Variants in LRRC9 observed in about 807,000 individuals in gnomAD.
The protein encoded by LRRC9 is leucine rich repeat containing 9.
In LRRC9, 122 loss-of-function variants were observed where a neutral mutation model predicts 63.2. The observed-to-expected ratio is 1.93, with a 90% CI of 1.67 to 2.24. LRRC9 has a LOEUF of 2.24. Among genes scored for constraint, LRRC9 ranks in the 30% most tolerant of loss-of-function variants. The probability of loss-of-function intolerance (pLI) is 0.00; values close to 1 mark genes in which losing one functional copy is unlikely to be tolerated. For synonymous variants in LRRC9, 366 were observed against 213.1 expected (o/e 1.72, Z -6.25); for missense variants, 1,071 against 627.7 (o/e 1.71, Z -7.55).
At chr14:59,945,807 T>C (rs1280425879) in intron 8 of LRRC9, among the ~76,000 whole-genome samples, 2 of 151,268 alleles carry the variant, frequency 1.3e-5, no homozygotes, top group Non-Finnish European at 3.0e-5. Flanking sequence ...TTTACAAGAG[T>C]AGAAATAAAA....
At chr14:59,969,783 G>A (rs1594898521) in intron 12 of LRRC9, among the ~76,000 whole-genome samples, 1 of 152,234 alleles carries the variant, frequency 6.6e-6, no homozygotes, top group Non-Finnish European at 1.5e-5. Context: ...ATTCCCTACC[G>A]AATATTGTTT....
chr14:59,969,933 C>G (rs1425415659), intron 12 of LRRC9, among the ~76,000 whole-genome samples: 1 of 152,120 alleles, frequency 6.6e-6, no homozygotes, highest in Non-Finnish European at 1.5e-5. Context: ...GGTTAATATA[C>G]TTTATTCTCT....
chr14:59,941,436 T>G (rs1881753581), intron 7 of LRRC9, among the ~76,000 whole-genome samples: 1 of 151,628 alleles, frequency 6.6e-6, no homozygotes, highest in Admixed American at 6.6e-5. Context: ...AAGTTAAATT[T>G]AAATTTTAGA....
intron 29 of LRRC9, among the ~76,000 whole-genome samples, chr14:60,032,665 A>G (rs1055398724): frequency 9.2e-5 from 14 of 152,328 alleles, no homozygotes; most frequent in African/African-American, 3.4e-4. Flanking sequence ...AGAGGCAAAA[A>G]TATCAGCTTA....
intron 29 of LRRC9, among the ~76,000 whole-genome samples, chr14:60,047,221 T>G (rs2140410882): frequency 6.6e-6 from 1 of 152,268 alleles, no homozygotes; most frequent in Non-Finnish European, 1.5e-5. Context: ...TAGTCGGAAT[T>G]CCTCTCTTCC....
intron 6 of LRRC9, among the ~76,000 whole-genome samples, chr14:59,934,529 G>T (rs1187363413): frequency 1.3e-5 from 2 of 152,170 alleles, no homozygotes; most frequent in African/African-American, 4.8e-5. Context: ...TACCAACATT[G>T]AGACCATCAG....
rs115984141 is a variant in LRRC9 at position 59,958,796 on chromosome 14, C to T, written c.883-1022C>T. Among the ~76,000 whole-genome samples, 1,537 of 152,324 alleles carry T rather than the reference C, an allele frequency of 0.01. 22 individuals carry two copies. The highest frequency in any genetic ancestry group is 0.035 in the African/African-American group (1,447 of 41,578). On this transcript the variant is annotated intron_variant, in intron 8 of 31. Coordinates refer to ENST00000445360, the Ensembl canonical transcript of LRRC9. This position sits in a 1 kb window ranked among gnomAD's most constrained non-coding sequence, Gnocchi z 4.0. ...TCTCCTGATCTGCAGATTGCAAAAA[C>T]GGTGGGAAAAGCATAGTAACCCGGC...
intron 18 of LRRC9, among the ~76,000 whole-genome samples, chr14:59,998,263 T>A (rs1329011592): frequency 6.6e-6 from 1 of 152,032 alleles, no homozygotes. Context: ...TATCCTAATC[T>A]GTGGTTGAAC....
intron 24 of LRRC9, 110 bp downstream of exon 24, chr14:60,016,900 CA>C: frequency 1.9e-6 from 1 of 523,346 alleles, no homozygotes. Context: ...ATCAATAATT[CA>C]TAAAATTATC....
At chr14:59,972,953 T>C (rs923766315) in intron 12 of LRRC9, among the ~76,000 whole-genome samples, 14 of 152,112 alleles carry the variant, frequency 9.2e-5, no homozygotes, top group African/African-American at 3.4e-4. Flanking sequence ...TTATAACACA[T>C]TTGTTTTATT....
chr14:59,970,741 T>C (rs966472659), intron 12 of LRRC9, among the ~76,000 whole-genome samples: 1 of 152,212 alleles, frequency 6.6e-6, no homozygotes, highest in Non-Finnish European at 1.5e-5. Context: ...TTTTGCAAAG[T>C]GTCTGTTCAT....
At chr14:59,980,548 T>C (rs1218580823) in intron 15 of LRRC9, among the ~76,000 whole-genome samples, 1 of 152,226 alleles carries the variant, frequency 6.6e-6, no homozygotes, top group Admixed American at 6.5e-5. Context: ...TAAAATATGA[T>C]TGAAATTATA....
At chr14:59,978,868 T>A (rs1268456135) in intron 15 of LRRC9, among the ~76,000 whole-genome samples, 1 of 152,202 alleles carries the variant, frequency 6.6e-6, no homozygotes, top group East Asian at 1.9e-4. Flanking sequence ...CCACAAAGAC[T>A]TGACTGTTTT....
chr14:60,006,904 C>T (rs1889853534), intron 22 of LRRC9, among the ~76,000 whole-genome samples: 1 of 152,082 alleles, frequency 6.6e-6, no homozygotes, highest in Non-Finnish European at 1.5e-5. Flanking sequence ...CAGTACAATT[C>T]GTGATGATCT....
chr14:59,971,915 C>A (rs548021309), intron 12 of LRRC9, among the ~76,000 whole-genome samples: 1 of 152,220 alleles, frequency 6.6e-6, no homozygotes, highest in East Asian at 1.9e-4. Flanking sequence ...ACAAATTAAT[C>A]TTTCTTAAAA....
At chr14:60,009,447 C>T (rs187390973) in intron 23 of LRRC9, among the ~76,000 whole-genome samples, 6 of 152,298 alleles carry the variant, frequency 3.9e-5, no homozygotes, top group Admixed American at 1.3e-4. Flanking sequence ...TATTCACTAT[C>T]GCGAGAACAG....
At chr14:60,028,326 G>T (rs1216593202) in intron 28 of LRRC9, among the ~76,000 whole-genome samples, 4 of 152,064 alleles carry the variant, frequency 2.6e-5, no homozygotes, top group Non-Finnish European at 4.4e-5. Flanking sequence ...CATTAACAAA[G>T]ATTAGTTCTA....
At chr14:60,009,872 A>C (rs1890121068) in intron 23 of LRRC9, among the ~76,000 whole-genome samples, 1 of 152,214 alleles carries the variant, frequency 6.6e-6, no homozygotes. Flanking sequence ...TGAGGCAGCA[A>C]AATCTTAAAG....
intron 29 of LRRC9, among the ~76,000 whole-genome samples, chr14:60,033,270 T>C (rs1203949471): frequency 6.6e-6 from 1 of 152,146 alleles, no homozygotes; most frequent in Non-Finnish European, 1.5e-5. Flanking sequence ...AATTTGACTA[T>C]CATTTCTTTC....
Sources: gnomAD v4.1 joint callset for allele counts (sites outside exome capture counted in the v4.1 genomes callset) on GRCh38, gnomAD v4.1.1 for gene constraint, Gnocchi (gnomAD v3.1) non-coding constraint, MANE v1.5 for transcripts, NCBI Gene and HGNC (gene_info 2026-07-23, HGNC 2026-07-21) for gene names.